The following SH3TC1 variants were observed in gnomAD, a reference collection of about 807,000 sequenced individuals.
SH3TC1 encodes the protein SH3 domain and tetratricopeptide repeat-containing protein 1.
A neutral mutation model predicts 117.3 loss-of-function variants in SH3TC1; 135 were observed. The observed-to-expected ratio is 1.15, with a 90% CI of 1.00 to 1.33. The LOEUF (loss-of-function observed/expected upper bound fraction) is 1.33. Ranked by LOEUF, SH3TC1 falls within the 40% of genes most tolerant of loss-of-function variation. The probability of loss-of-function intolerance (pLI) is 0.00; values close to 1 mark genes in which losing one functional copy is unlikely to be tolerated. For missense variants in SH3TC1, 2,092 were observed against 1,794.3 expected (o/e 1.17, Z -3.00); for synonymous variants, 898 against 816.9 (o/e 1.10, Z -1.69).
chr4:8,187,726 A>T (rs1297402360), intron 1 of SH3TC1, among the ~76,000 whole-genome samples: 2 of 151,438 alleles, frequency 1.3e-5, no homozygotes, highest in Non-Finnish European at 2.9e-5. Context: ...TAATTTTTGT[A>T]TTTTTAGTAG....
intron 3 of SH3TC1, among the ~76,000 whole-genome samples, chr4:8,211,752 A>G (rs1402516219): frequency 6.6e-6 from 1 of 151,884 alleles, no homozygotes; most frequent in African/African-American, 2.4e-5. Context: ...GAAATTGCCA[A>G]CCTCAGACAT....
rs929982389 is a variant in SH3TC1, at chr4:8,216,170, C to T, written c.541C>T (p.Pro181Ser). The change falls in exon 6 of 18, where the codon CCC (proline) becomes TCC (serine). Residue 181 changes from proline (P) to serine (S), a missense_variant. By Grantham distance (74) the Pro-to-Ser change is moderately conservative. Coordinates refer to ENST00000245105, the MANE Select transcript of SH3TC1 (RefSeq NM_018986.5). Reference protein sequence around the residue: ...LMDQAFWLLLPSEEEETAIQV... With the variant: ...LMDQAFWLLLSSEEEETAIQV... ...GGACCAGGCCTTCTGGCTGCTCTTG[C>T]CCAGTGAGGAGGAGGAGACGGCCAT... The T allele has an allele frequency of 2.0e-5, 32 of 1,613,728 alleles. No individual in the cohort carries two copies. In the African/African-American group the frequency reaches 2.5e-4, roughly 13 times the overall value.
chr4:8,233,203 C>A (rs1721405821), intron 13 of SH3TC1, 160 bp from the exon 14 acceptor site: 2 of 1,412,076 alleles, frequency 1.4e-6, no homozygotes, highest in African/African-American at 1.4e-5. Flanking sequence ...GTGTGTTCAA[C>A]CCCACCCTCT....
rs187621352 is a variant in SH3TC1, at chr4:8,186,377, A to G, written c.-57+4167A>G. On this transcript the variant is annotated intron_variant, in intron 1 of 16. Transcript: ENST00000508641. This position sits in a 1 kb window ranked among gnomAD's most constrained non-coding sequence, Gnocchi z 5.2. The stretch of plus-strand genomic sequence containing the variant: ...TCCCGGCCAAAAGGCACCCCAAAAG[A>G]CGAGGTGATGAAACCAGACGTGGTG... Among the ~76,000 whole-genome samples the G allele has an allele frequency of 6.6e-6, 1 of 152,322 alleles. No homozygotes were observed.
chr4:8,201,953 A>G (rs1032845458), intron 1 of SH3TC1, among the ~76,000 whole-genome samples: 12 of 152,156 alleles, frequency 7.9e-5, no homozygotes, highest in Non-Finnish European at 1.6e-4. Context: ...CTTCTGAGGG[A>G]CAAAAAGGCA....
At chr4:8,217,358 G>A (rs73079744) in intron 7 of SH3TC1, among the ~76,000 whole-genome samples, 191 bp downstream of exon 7, 196 of 152,354 alleles carry the variant, frequency 1.3e-3, no homozygotes, top group African/African-American at 4.5e-3. Flanking sequence ...CCTCTGGCCT[G>A]CCAGCTGCAT....
chr4:8,240,659 C>T (rs369860369), intron 17 of SH3TC1, 39 bp from the exon 18 acceptor site: 21 of 1,610,850 alleles, frequency 1.3e-5, no homozygotes, highest in South Asian at 5.5e-5. Context: ...AGACTGGCTC[C>T]GAGTCCCCCT....
Position 8,232,091 on chromosome 4 carries a change from C to A in SH3TC1, c.3066C>A (p.Asp1022Glu). Residue 1022 changes from aspartate (D) to glutamate (E), a missense_variant, in exon 13 of 18, where the codon GAC (aspartate) becomes GAA (glutamate). Transcript: ENST00000245105. ...TCTCCCTGGCCTGCAAGGTGGCCGACAAGGTGCTGGAGGGGCAGCTCCTGG... is the reference window on the plus strand; with the variant it reads ...TCTCCCTGGCCTGCAAGGTGGCCGAAAAGGTGCTGGAGGGGCAGCTCCTGG... ...LQLSLACKVA[D>E]KVLEGQLLET... 2 of 1,613,018 alleles carry A rather than the reference C, an allele frequency of 1.2e-6. No individual in the cohort carries two copies. The highest frequency in any genetic ancestry group is 1.7e-6 in the Non-Finnish European group (2 of 1,179,910).
Position 8,228,061 on chromosome 4 carries a change from C to G in SH3TC1, c.2367C>G (p.Tyr789Ter). The G allele has an allele frequency of 1.9e-6, 3 of 1,605,604 alleles. No individual in the cohort carries two copies. The highest frequency in any genetic ancestry group is 2.6e-6 in the Non-Finnish European group (3 of 1,175,410). The change falls in exon 12 of 18, where the codon TAC becomes TAG. Residue 789 changes from tyrosine to a stop codon, truncating the protein, a stop_gained. Transcript: ENST00000245105. LOFTEE classifies it high-confidence loss of function. ...GCCAGGCGCTGCGCGGCCCCCTCTA[C>G]ACCAGCTTGGCCCAGCTGTACAGCC... ...GTGQALRGPL[Y>*]TSLAQLYSHH... is the part of the protein sequence containing the mutation.
Position 8,186,752 on chromosome 4 carries a change from C to T in SH3TC1, c.-57+4542C>T, listed in dbSNP as rs1246020889. The stretch of plus-strand genomic sequence containing the variant: ...TGAGGTCAAAAGTTCAAGACCAGCC[C>T]GGCCAACATGGTGAAACCCCATCTC... On this transcript the variant is annotated intron_variant, in intron 1 of 16. Transcript: ENST00000508641. This position sits in a 1 kb window ranked among gnomAD's most constrained non-coding sequence, Gnocchi z 5.2. Among the ~76,000 whole-genome samples, 2 of 152,056 alleles carry T rather than the reference C, an allele frequency of 1.3e-5. No homozygotes were observed. The highest frequency in any genetic ancestry group is 2.1e-4 in the South Asian group (1 of 4,816).
rs1717442286 is a variant in SH3TC1, at chr4:8,192,339, C to T, written c.-57+10129C>T. Among the ~76,000 whole-genome samples, 1 of 151,822 alleles carries T rather than the reference C, an allele frequency of 6.6e-6. No individual in the cohort carries two copies. On this transcript the variant is annotated intron_variant, in intron 1 of 16. Transcript: ENST00000508641. The surrounding 1 kb of genome is among the most constrained non-coding windows in gnomAD (Gnocchi z 4.1). ...GAAAGGGCCACGGAATCACCAGGAACTCTCCTTCCTGTGACCTTGGGTAAA... is the reference window on the plus strand; with the variant it reads ...GAAAGGGCCACGGAATCACCAGGAATTCTCCTTCCTGTGACCTTGGGTAAA...
intron 1 of SH3TC1, among the ~76,000 whole-genome samples, chr4:8,184,141 C>T (rs188394994): frequency 3.7e-4 from 57 of 152,294 alleles, no homozygotes; most frequent in African/African-American, 1.3e-3. Flanking sequence ...TCTAAGTATG[C>T]CTAGATGCAA....
chr4:8,202,908 C>G (rs941905117), intron 1 of SH3TC1, among the ~76,000 whole-genome samples: 1 of 152,188 alleles, frequency 6.6e-6, no homozygotes, highest in African/African-American at 2.4e-5. Context: ...GACTTTAGAC[C>G]GTGGGCTCCT....
intron 3 of SH3TC1, among the ~76,000 whole-genome samples, chr4:8,212,306 C>A (rs1718816777): frequency 6.6e-6 from 1 of 150,802 alleles, no homozygotes; most frequent in African/African-American, 2.5e-5. Context: ...CTGTCCAGGT[C>A]CTGTGCCCGC....
Position 8,227,861 on chromosome 4 carries a change from C to A in SH3TC1, c.2167C>A (p.Pro723Thr). The A allele has an allele frequency of 2.5e-6, 4 of 1,612,842 alleles. No homozygotes were observed. In the East Asian group the frequency reaches 8.9e-5, roughly 36 times the overall value. Reference protein sequence around the residue: ...LADIYSRKCLPHLVLSCVKVA... With the variant: ...LADIYSRKCLTHLVLSCVKVA... ...TGACATCTACAGCCGCAAGTGCCTGCCCCACCTGGTGCTGAGCTGTGTCAA... is the reference window on the plus strand; with the variant it reads ...TGACATCTACAGCCGCAAGTGCCTGACCCACCTGGTGCTGAGCTGTGTCAA... Residue 723 changes from proline (P) to threonine (T), a missense_variant, in exon 12 of 18, where the codon CCC (proline) becomes ACC (threonine). Transcript: ENST00000245105.
chr4:8,222,475 G>A (rs1306468350), intron 9 of SH3TC1, among the ~76,000 whole-genome samples: 1 of 140,808 alleles, frequency 7.1e-6, no homozygotes, highest in Non-Finnish European at 1.5e-5. Flanking sequence ...CTCTGTTCAA[G>A]TGATTCTCCT....
chr4:8,220,593 T>C (rs1439044950), intron 9 of SH3TC1, among the ~76,000 whole-genome samples: 1 of 152,190 alleles, frequency 6.6e-6, no homozygotes, highest in Non-Finnish European at 1.5e-5. Context: ...TCCCTGGCCT[T>C]GTCCTTGTTA....
Position 8,228,052 on chromosome 4 carries a change from C to G in SH3TC1, c.2358C>G (p.Gly786=), listed in dbSNP as rs879870076. The G allele has an allele frequency of 6.2e-7, 1 of 1,605,052 alleles. No individual in the cohort carries two copies. Among genetic ancestry groups the G allele is most frequent in the South Asian group, 1.1e-5 (1 of 90,082 alleles). ...CGGGCACAGGCCAGGCGCTGCGCGG[C>G]CCCCTCTACACCAGCTTGGCCCAGC... ...LTPGTGQALR[G]PLYTSLAQLY... Residue 786 remains glycine, a synonymous_variant, in exon 12 of 18, where the codon GGC becomes GGG. Coordinates refer to ENST00000245105, the MANE Select transcript of SH3TC1 (RefSeq NM_018986.5).
At chr4:8,196,030 C>A (rs144831373), upstream of SH3TC1, among the ~76,000 whole-genome samples, 1 of 152,240 alleles carries the variant, frequency 6.6e-6, no homozygotes, top group Non-Finnish European at 1.5e-5. The surrounding 1 kb of genome is among the most constrained non-coding windows in gnomAD (Gnocchi z 4.6). Flanking sequence ...TCCCCACCTG[C>A]CTGTCGAGCG....
Sources: allele counts gnomAD v4.1 joint callset (sites outside exome capture counted in the v4.1 genomes callset), GRCh38; gene constraint gnomAD v4.1.1; non-coding constraint Gnocchi (gnomAD v3.1); transcripts MANE v1.5; gene names NCBI Gene and HGNC (gene_info 2026-07-23, HGNC 2026-07-21).